The following HPSE2 variants were observed in gnomAD, a reference collection of about 807,000 sequenced individuals.
HPSE2 encodes heparanase 2 (inactive).
In HPSE2, 38 loss-of-function variants were observed where a neutral mutation model predicts 60.5. That is an observed-to-expected ratio of 0.63 (90% CI 0.48 to 0.82). The LOEUF (loss-of-function observed/expected upper bound fraction) is 0.82, where lower values mean the gene tolerates loss of function less well. Ranked by LOEUF, HPSE2 falls within the 40% of genes least tolerant of loss-of-function variation. HPSE2 has a pLI of 0.00. For missense variants in HPSE2, 713 were observed against 740.4 expected (o/e 0.96, Z 0.43); for synonymous variants, 295 against 293.2 (o/e 1.01, Z -0.06).
chr10:99,036,480 TA>T (rs1472932283), intron 3 of HPSE2, among the ~76,000 whole-genome samples: 1 of 152,180 alleles, frequency 6.6e-6, no homozygotes, highest in Non-Finnish European at 1.5e-5. Flanking sequence ...ATAATATTAG[TA>T]TTGAATCACT....
chr10:98,781,651 T>C (rs988711698), intron 3 of HPSE2, among the ~76,000 whole-genome samples: 1 of 152,070 alleles, frequency 6.6e-6, no homozygotes, highest in African/African-American at 2.4e-5. Flanking sequence ...GAAATATAAA[T>C]TAAAACATTT....
intron 3 of HPSE2, among the ~76,000 whole-genome samples, chr10:99,139,893 G>A (rs1845803874): frequency 2.0e-5 from 3 of 152,088 alleles, no homozygotes; most frequent in African/African-American, 4.8e-5. Flanking sequence ...CTCCTGGATC[G>A]CAGACTATTT....
At chr10:99,037,982 A>G (rs1232689479) in intron 3 of HPSE2, among the ~76,000 whole-genome samples, 2 of 152,188 alleles carry the variant, frequency 1.3e-5, no homozygotes, top group African/African-American at 4.8e-5. Context: ...AATTAAGACC[A>G]TGATGATATC....
At chr10:99,038,736 C>T (rs146799831) in intron 3 of HPSE2, among the ~76,000 whole-genome samples, 50 of 152,174 alleles carry the variant, frequency 3.3e-4, no homozygotes, top group African/African-American at 1.1e-3. Context: ...CTCGGGAAGC[C>T]GGGTGAAGGA....
At chr10:98,639,159 C>T (rs183144520) in intron 7 of HPSE2, among the ~76,000 whole-genome samples, 12 of 152,204 alleles carry the variant, frequency 7.9e-5, no homozygotes, top group African/African-American at 1.9e-4. Flanking sequence ...GTGTCAGAGA[C>T]GGGAGTGAAC....
chr10:98,994,116 T>A (rs925706950), intron 3 of HPSE2, among the ~76,000 whole-genome samples: 3 of 152,200 alleles, frequency 2.0e-5, no homozygotes, highest in African/African-American at 7.2e-5. Flanking sequence ...ATTCACCATT[T>A]TCTTGCCATC....
chr10:98,708,683 C>T (rs1948606210), intron 5 of HPSE2, among the ~76,000 whole-genome samples: 1 of 152,108 alleles, frequency 6.6e-6, no homozygotes, highest in South Asian at 2.1e-4. Flanking sequence ...AGCATTTCTA[C>T]ACTTAGTTTG....
intron 9 of HPSE2, among the ~76,000 whole-genome samples, chr10:98,614,575 A>G (rs1199003640): frequency 6.6e-6 from 1 of 152,186 alleles, no homozygotes; most frequent in Non-Finnish European, 1.5e-5. Flanking sequence ...TACAGGCGTG[A>G]GCCACCGTGC....
chr10:98,672,155 T>A (rs1947523214), intron 6 of HPSE2, among the ~76,000 whole-genome samples: 1 of 152,198 alleles, frequency 6.6e-6, no homozygotes, highest in Non-Finnish European at 1.5e-5. Flanking sequence ...TGTTGGTAGT[T>A]CTTTCATGTT....
At chr10:98,560,752 A>C (rs1944148824) in intron 9 of HPSE2, among the ~76,000 whole-genome samples, 1 of 152,222 alleles carries the variant, frequency 6.6e-6, no homozygotes, top group African/African-American at 2.4e-5. Flanking sequence ...ACAAGACTAT[A>C]ATAGAGCTGA....
At chr10:99,086,464 T>C (rs1364936960) in intron 3 of HPSE2, among the ~76,000 whole-genome samples, 1 of 142,716 alleles carries the variant, frequency 7.0e-6, no homozygotes, top group Non-Finnish European at 1.5e-5. Context: ...GCCATTCTCC[T>C]GCCTCAGCCT....
chr10:99,304,607 A>G, the HPSE2 span, among the ~76,000 whole-genome samples: 4 of 152,252 alleles, frequency 2.6e-5, no homozygotes, highest in Non-Finnish European at 4.4e-5. Context: ...AAGAGCTACA[A>G]AGGCAATAAG....
chr10:99,208,557 A>C (rs1466772352), intron 2 of HPSE2, among the ~76,000 whole-genome samples: 1 of 152,052 alleles, frequency 6.6e-6, no homozygotes, highest in African/African-American at 2.4e-5. Flanking sequence ...ATGATGGTGC[A>C]TGCCTATAGT....
chr10:98,607,871 C>T (rs1263801762), intron 9 of HPSE2, among the ~76,000 whole-genome samples: 6 of 151,920 alleles, frequency 3.9e-5, no homozygotes, highest in Admixed American at 3.9e-4. Flanking sequence ...TATTTGATAA[C>T]AAATGTTTAT....
intron 3 of HPSE2, among the ~76,000 whole-genome samples, chr10:99,106,442 G>C (rs942559585): frequency 1.3e-5 from 2 of 151,740 alleles, no homozygotes; most frequent in African/African-American, 4.8e-5. Context: ...ATGTATTTTT[G>C]TCCTTCATTC....
chr10:99,249,710 C>T, the HPSE2 span, among the ~76,000 whole-genome samples: 2 of 152,104 alleles, frequency 1.3e-5, no homozygotes, highest in Admixed American at 1.3e-4. Context: ...GGATTTGTGT[C>T]CCTGCCCAAA....
At chr10:99,159,210 C>A (rs1396688022) in intron 2 of HPSE2, among the ~76,000 whole-genome samples, 2 of 151,828 alleles carry the variant, frequency 1.3e-5, no homozygotes, top group Non-Finnish European at 2.9e-5. Context: ...GTCAATAAAA[C>A]AAAATATTGA....
At chr10:98,897,855 TA>T (rs1450548028) in intron 3 of HPSE2, among the ~76,000 whole-genome samples, 1 of 152,076 alleles carries the variant, frequency 6.6e-6, no homozygotes, top group Non-Finnish European at 1.5e-5. Context: ...TAGCCTTTAT[TA>T]AAATTGAAAA....
At chr10:99,307,830 G>GCACACACACA in the HPSE2 span, among the ~76,000 whole-genome samples, 7,500 of 140,842 alleles carry the variant, frequency 0.053, 265 homozygotes, top group African/African-American at 0.075. Context: ...CCTAGTAAAT[G>GCACACACACA]CGCACACACA....
Sources: allele counts gnomAD v4.1 joint callset (sites outside exome capture counted in the v4.1 genomes callset), GRCh38; gene constraint gnomAD v4.1.1; transcripts MANE v1.5; gene names NCBI Gene and HGNC (gene_info 2026-07-23, HGNC 2026-07-21).